Variants in CCDC80 observed in about 807,000 individuals in gnomAD.
The protein encoded by CCDC80 is coiled-coil domain containing 80, also known as coiled-coil domain-containing protein 80.
A neutral mutation model predicts 78.7 loss-of-function variants in CCDC80; 49 were observed. That is an observed-to-expected ratio of 0.62 (90% CI 0.50 to 0.79). The LOEUF (loss-of-function observed/expected upper bound fraction) is 0.79, where lower values mean the gene tolerates loss of function less well. Ranked by LOEUF, CCDC80 falls within the 30% of genes least tolerant of loss-of-function variation. CCDC80 has a pLI of 0.00. For synonymous variants in CCDC80, 488 were observed against 447.0 expected, an observed-to-expected ratio of 1.09 and a Z score of -1.16; for missense variants, 1,205 against 1,198.6, an observed-to-expected ratio of 1.01 and a Z score of -0.08.
rs145244203 is a variant in CCDC80 at position 112,638,806 on chromosome 3, C to T, written c.1100G>A (p.Arg367Gln). Reference sequence around the variant, plus strand: ...AGGTCTTGCAGCAACTGTTACCGCCCGGGACGTGGACCGAGTCACTGTTGT... The same window carrying T: ...AGGTCTTGCAGCAACTGTTACCGCCTGGGACGTGGACCGAGTCACTGTTGT... The part of the protein sequence containing the change: ...PATTVTRSTS[R>Q]AVTVAARPMT... Residue 367 changes from arginine (R) to glutamine (Q), a missense_variant, in exon 2 of 8, where the codon CGG becomes CAG. By Grantham distance (43) the Arg-to-Gln change is conservative. Coordinates refer to ENST00000206423, the MANE Select transcript of CCDC80 (RefSeq NM_199511.3). 894 of 1,613,560 alleles carry T rather than the reference C, an allele frequency of 5.5e-4. 5 individuals are homozygous for T. The highest frequency in any genetic ancestry group is 2.4e-3 in the Admixed American group (144 of 59,976).
chr3:112,613,232 T>C (rs1179965821), intron 5 of CCDC80, among the ~76,000 whole-genome samples: 1 of 152,216 alleles, frequency 6.6e-6, no homozygotes, highest in Non-Finnish European at 1.5e-5. Flanking sequence ...CCTTAAGTAG[T>C]ACACTATTCC....
intron 3 of CCDC80, among the ~76,000 whole-genome samples, chr3:112,625,500 T>C (rs1210483032): frequency 6.6e-6 from 1 of 152,156 alleles, no homozygotes. Context: ...AACAAAATAT[T>C]GAAAATAGTC....
At position 112,605,642 on chromosome 3, in the gene CCDC80, T is replaced by A; in HGVS notation, c.2628A>T (p.Lys876Asn). ...MLLVGKDGNV[K>N]SWYPSPMWSM... ...ACCACATTGGGGAAGGATACCAGGA[T>A]TTGACATTTCCGTCTTTTCCGACTA... The change falls in exon 8 of 8, where the codon AAA (lysine) becomes AAT (asparagine). Residue 876 changes from lysine (K) to asparagine (N), a missense_variant. Coordinates refer to ENST00000206423, the MANE Select transcript of CCDC80 (RefSeq NM_199511.3). The A allele has an allele frequency of 6.2e-7, 1 of 1,614,206 alleles. No individual in the cohort carries two copies. The highest frequency in any genetic ancestry group is 1.6e-4 in the Middle Eastern group (1 of 6,062).
intron 5 of CCDC80, among the ~76,000 whole-genome samples, chr3:112,611,201 C>G (rs1463981824): frequency 6.6e-6 from 1 of 152,206 alleles, no homozygotes; most frequent in African/African-American, 2.4e-5. Context: ...GCGTGAGCCA[C>G]TGCGCCCAGC....
At position 112,607,167 on chromosome 3, in the gene CCDC80, A is replaced by T; in HGVS notation, c.2506+9T>A. On this transcript the variant is annotated intron_variant, in intron 7 of 7. Coordinates refer to ENST00000206423, the MANE Select transcript of CCDC80 (RefSeq NM_199511.3). ...TAGTTCATACTGTTTCAAGATAACA[A>T]CACATTACCATTAATTGGGAACAGT... 1 of 1,596,230 alleles carries T rather than the reference A, an allele frequency of 6.3e-7. No homozygotes were observed. The highest frequency in any genetic ancestry group is 8.6e-7 in the Non-Finnish European group (1 of 1,166,808).
At chr3:112,640,005 T>C in intron 1 of CCDC80, 89 bp from the exon 2 acceptor site, 1 of 1,464,832 alleles carries the variant, frequency 6.8e-7, no homozygotes, top group Non-Finnish European at 9.0e-7. Flanking sequence ...GTCATTTTCT[T>C]TTTCTGTATC....
At chr3:112,621,158 G>A (rs1935858257) in intron 3 of CCDC80, among the ~76,000 whole-genome samples, 1 of 152,152 alleles carries the variant, frequency 6.6e-6, no homozygotes, top group Non-Finnish European at 1.5e-5. Context: ...AATGGGTTGA[G>A]CTGTCCTGCC....
Position 112,610,075 on chromosome 3 carries a change from C to T in CCDC80, c.2328G>A (p.Arg776=), listed in dbSNP as rs757490983. ...QSLENFLSRF[R]WRRRLLVISA... ...AGATCACCAGCAACCTCCTCCTCCA[C>T]CGGAACCTGGAAAAAAAAAGCAGGA... Residue 776 remains arginine (R), a synonymous_variant, in exon 6 of 8, where the codon CGG becomes CGA. Coordinates refer to ENST00000206423, the MANE Select transcript of CCDC80 (RefSeq NM_199511.3). 1 of 1,613,020 alleles carries T rather than the reference C, an allele frequency of 6.2e-7. No homozygotes were observed. The highest frequency in any genetic ancestry group is 1.1e-5 in the South Asian group (1 of 91,032).
Position 112,600,296 on chromosome 3 carries a change from C to A in CCDC80, c.*5121G>T, listed in dbSNP as rs974433449. ...ATGATCTATGACTTCTCTGCCTGCT[C>A]ATTAGAGGAAGAAAAGCTCAGATGC... On this transcript the variant is annotated 3_prime_UTR_variant, in exon 8 of 8. Transcript: ENST00000206423. 2 of 152,172 alleles carry A rather than the reference C, an allele frequency of 1.3e-5. No individual in the cohort carries two copies. Among genetic ancestry groups the A allele is most frequent in the African/African-American group, 4.8e-5 (2 of 41,438 alleles). 9.4% of individuals were successfully genotyped at this position (152,172 alleles called of 1,614,324 possible).
intron 2 of CCDC80, among the ~76,000 whole-genome samples, chr3:112,633,799 T>C (rs1344674777): frequency 1.3e-5 from 2 of 152,212 alleles, no homozygotes; most frequent in South Asian, 2.1e-4. Context: ...CACTTTCTAG[T>C]TGGGCTGTAT....
chr3:112,606,767 C>T (rs999157404), intron 7 of CCDC80, among the ~76,000 whole-genome samples: 1 of 133,176 alleles, frequency 7.5e-6, no homozygotes, highest in Admixed American at 8.0e-5. Flanking sequence ...CTTCTCTGAG[C>T]CTTTTAGTGT....
At chr3:112,608,025 A>C (rs1465675123) in intron 6 of CCDC80, among the ~76,000 whole-genome samples, 1 of 152,248 alleles carries the variant, frequency 6.6e-6, no homozygotes. Context: ...GAAGACATTT[A>C]AGCAAGCACA....
At position 112,601,415 on chromosome 3, in the gene CCDC80, T is replaced by G. The variant is rs1403278305; in HGVS notation, c.*4002A>C. 4 of 152,158 alleles carry G rather than the reference T, an allele frequency of 2.6e-5. No individual in the cohort carries two copies. Among genetic ancestry groups the G allele is most frequent in the African/African-American group, 9.7e-5 (4 of 41,410 alleles). The allele number at this position is 152,158 out of a possible 1,614,324, so 9.4% of individuals were successfully genotyped here. On this transcript the variant is annotated 3_prime_UTR_variant, in exon 8 of 8. Transcript: ENST00000206423. ...TGGAAAATAGCCTTCCCATTATTGT[T>G]AGAGGATGGTGCCATCATGATGCTA...
chr3:112,634,286 T>G (rs1330854075), intron 2 of CCDC80, among the ~76,000 whole-genome samples: 1 of 152,190 alleles, frequency 6.6e-6, no homozygotes, highest in Non-Finnish European at 1.5e-5. Flanking sequence ...GTTGGAAATA[T>G]GAACCCACTT....
intron 3 of CCDC80, 111 bp downstream of exon 3, chr3:112,630,002 C>T (rs1936063897): frequency 1.1e-6 from 1 of 946,562 alleles, no homozygotes; most frequent in Admixed American, 2.3e-5. Flanking sequence ...AACCAAAGAG[C>T]CCTCTGAACA....
chr3:112,626,917 T>C (rs888902395), intron 3 of CCDC80, among the ~76,000 whole-genome samples: 2 of 152,168 alleles, frequency 1.3e-5, no homozygotes, highest in Non-Finnish European at 2.9e-5. Flanking sequence ...TTCTCTCTCC[T>C]TGTTGCCATA....
intron 3 of CCDC80, among the ~76,000 whole-genome samples, chr3:112,624,546 C>CT (rs1054998954): frequency 2.0e-5 from 3 of 152,104 alleles, no homozygotes; most frequent in African/African-American, 2.4e-5. Context: ...GCTTACTCCC[C>CT]TTTTACTCTA....
intron 3 of CCDC80, among the ~76,000 whole-genome samples, chr3:112,620,477 T>C (rs960763490): frequency 6.6e-6 from 1 of 152,118 alleles, no homozygotes; most frequent in Non-Finnish European, 1.5e-5. Flanking sequence ...AATTTACAAT[T>C]ATTAGATTTA....
intron 3 of CCDC80, among the ~76,000 whole-genome samples, chr3:112,620,423 T>C (rs1275431544): frequency 6.6e-6 from 1 of 152,172 alleles, no homozygotes; most frequent in Non-Finnish European, 1.5e-5. Context: ...GCATATAAAC[T>C]ATTTTTCAAA....
Sources: gnomAD v4.1 joint callset for allele counts (sites outside exome capture counted in the v4.1 genomes callset) on GRCh38, gnomAD v4.1.1 for gene constraint, MANE v1.5 for transcripts, NCBI Gene and HGNC (gene_info 2026-07-23, HGNC 2026-07-21) for gene names.